The following MEIG1 variants were observed in gnomAD, a reference collection of about 807,000 sequenced individuals.
The protein encoded by MEIG1 is meiosis expressed gene 1 protein homolog.
A neutral mutation model predicts 11.3 loss-of-function variants in MEIG1; 12 were observed. The ratio of observed to expected loss-of-function variants is 1.07; its 90% CI spans 0.68 to 1.73. MEIG1 has a LOEUF of 1.73. Ranked by LOEUF, MEIG1 falls within the 40% of genes most tolerant of loss-of-function variation. MEIG1 has a pLI of 0.00. For missense variants in MEIG1, 119 were observed against 104.9 expected (o/e 1.13, Z -0.59); for synonymous variants, 41 against 33.2 (o/e 1.24, Z -0.81).
At chr10:14,985,102 G>A (rs537645365) in intron 1 of MEIG1, among the ~76,000 whole-genome samples, 1 of 151,940 alleles carries the variant, frequency 6.6e-6, no homozygotes, top group East Asian at 1.9e-4. Context: ...ATTTCCTCGG[G>A]GGATGTTACT....
At chr10:14,967,819 A>C (rs184326251) in intron 2 of MEIG1, among the ~76,000 whole-genome samples, 10 of 115,570 alleles carry the variant, frequency 8.7e-5, no homozygotes, top group Non-Finnish European at 1.7e-4. Flanking sequence ...TATTTTATGC[A>C]TTCATGACAA....
intron 1 of MEIG1, among the ~76,000 whole-genome samples, chr10:14,983,185 A>C (rs1023695355): frequency 3.0e-4 from 45 of 152,194 alleles, no homozygotes; most frequent in East Asian, 7.7e-4. Context: ...TGATCCGAAT[A>C]TCATCTCCAG....
chr10:14,983,179 C>A (rs763557072), intron 1 of MEIG1, among the ~76,000 whole-genome samples: 16 of 152,140 alleles, frequency 1.1e-4, no homozygotes, highest in South Asian at 8.3e-4. Context: ...TGATATTGAT[C>A]CGAATATCAT....
intron 1 of MEIG1, among the ~76,000 whole-genome samples, chr10:14,983,454 G>A (rs1050817754): frequency 1.3e-5 from 2 of 151,954 alleles, no homozygotes; most frequent in African/African-American, 2.4e-5. Context: ...TCCCCATACA[G>A]CAGGAGGTGT....
At chr10:14,964,271 C>G (rs1044054928) in intron 1 of MEIG1, among the ~76,000 whole-genome samples, 1 of 151,876 alleles carries the variant, frequency 6.6e-6, no homozygotes, top group African/African-American at 2.4e-5. Flanking sequence ...TCTTTTTTTA[C>G]CAACCACTAA....
At chr10:14,976,988 A>T (rs762388857), downstream of MEIG1, among the ~76,000 whole-genome samples, 40 of 146,792 alleles carry the variant, frequency 2.7e-4, no homozygotes, top group Admixed American at 1.8e-3. Flanking sequence ...CGTTATATCC[A>T]CGGGGGATGT....
intron 1 of MEIG1, among the ~76,000 whole-genome samples, chr10:14,981,073 T>C (rs1219852805): frequency 6.6e-6 from 1 of 152,106 alleles, no homozygotes; most frequent in Non-Finnish European, 1.5e-5. Flanking sequence ...CCACAAGTTC[T>C]TAGGTGCTTG....
chr10:14,954,332 TGCAGTCGCGGGAAG>T, the MEIG1 span: 1 of 445,318 alleles, frequency 2.2e-6, no homozygotes, highest in African/African-American at 2.0e-5. Context: ...TCTGTGGAGG[TGCAGTCGCGGGAAG>T]GGAAATCGAA....
intron 1 of MEIG1, among the ~76,000 whole-genome samples, chr10:14,961,451 A>C (rs1261501302): frequency 1.3e-5 from 2 of 151,978 alleles, no homozygotes; most frequent in Non-Finnish European, 2.9e-5. Context: ...GTGGAGCTAC[A>C]ACTTGGTATT....
intron 1 of MEIG1, among the ~76,000 whole-genome samples, chr10:14,983,006 G>A (rs551458698): frequency 6.6e-6 from 1 of 151,742 alleles, no homozygotes; most frequent in Admixed American, 6.6e-5. Flanking sequence ...ATTAATATTG[G>A]TAATAGATAT....
downstream of MEIG1, among the ~76,000 whole-genome samples, chr10:14,976,286 AC>A (rs1843209392): frequency 6.6e-6 from 1 of 151,510 alleles, no homozygotes; most frequent in South Asian, 2.1e-4. Context: ...AATATTAATT[AC>A]ATATTATTCA....
chr10:14,959,316 T>C (rs766817591), upstream of MEIG1: 5 of 152,258 alleles, frequency 3.3e-5, no homozygotes, highest in African/African-American at 1.2e-4. Context: ...AAAAGCCCAC[T>C]CCCGGGGGCG....
At chr10:14,963,924 C>T (rs142519886) in intron 1 of MEIG1, among the ~76,000 whole-genome samples, 8,608 of 152,080 alleles carry the variant, frequency 0.057, 308 homozygotes, top group African/African-American at 0.082. Flanking sequence ...CAGTGAAACC[C>T]CGTCTCTACT....
chr10:14,975,194 C>A (rs1843197688), downstream of MEIG1, among the ~76,000 whole-genome samples: 2 of 152,088 alleles, frequency 1.3e-5, no homozygotes, highest in African/African-American at 4.8e-5. Context: ...AATGTACACC[C>A]TTTCTGTGAC....
At chr10:14,971,501 A>G (rs1319937925) in intron 2 of MEIG1, among the ~76,000 whole-genome samples, 1 of 151,978 alleles carries the variant, frequency 6.6e-6, no homozygotes, top group Non-Finnish European at 1.5e-5. Context: ...TATGATCACA[A>G]CACCGCACTA....
chr10:14,981,986 T>C (rs1843270324), intron 1 of MEIG1, among the ~76,000 whole-genome samples: 1 of 152,200 alleles, frequency 6.6e-6, no homozygotes, highest in Admixed American at 6.5e-5. Context: ...CTTAGCTCTT[T>C]CTCATCATTG....
At chr10:14,956,698 A>G (rs1169132956), upstream of MEIG1, among the ~76,000 whole-genome samples, 2 of 152,234 alleles carry the variant, frequency 1.3e-5, no homozygotes, top group African/African-American at 4.8e-5. Flanking sequence ...TCATTCAGCA[A>G]ATCATTCACT....
In MEIG1 at chr10:14,986,630, G is replaced by A. The variant is rs111706992; in HGVS notation, n.67-166G>A. On this transcript the variant is annotated intron_variant and non_coding_transcript_variant, in intron 1 of 2. Transcript: ENST00000467536. The stretch of plus-strand genomic sequence containing the variant: ...AGATTCCTTTTGTATGTAGGTGTAT[G>A]ATGGAGTCTCTTTCTGTTGCCCAGG... Among the ~76,000 whole-genome samples the A allele has an allele frequency of 3.9e-3, 599 of 152,276 alleles. 4 individuals are homozygous for A. The highest frequency in any genetic ancestry group is 0.014 in the African/African-American group (572 of 41,548).
chr10:14,956,303 G>C (rs1392507557), upstream of MEIG1, among the ~76,000 whole-genome samples: 1 of 152,196 alleles, frequency 6.6e-6, no homozygotes, highest in East Asian at 1.9e-4. Flanking sequence ...TTCAGGGCCA[G>C]TGTGGTGGCT....
Sources: gnomAD v4.1 joint callset for allele counts (sites outside exome capture counted in the v4.1 genomes callset) on GRCh38, gnomAD v4.1.1 for gene constraint, MANE v1.5 for transcripts, NCBI Gene and HGNC (gene_info 2026-07-23, HGNC 2026-07-21) for gene names.